CDH17: variants seen among roughly 807,000 people sequenced by gnomAD.
CDH17 encodes cadherin-17.
Under a neutral mutation model 86.3 loss-of-function variants are expected in CDH17, and 67 were observed. The ratio of observed to expected loss-of-function variants is 0.78; its 90% confidence interval spans 0.64 to 0.95. The LOEUF (loss-of-function observed/expected upper bound fraction) is 0.95. CDH17 is among the 40% of genes least tolerant of loss of function. The probability of loss-of-function intolerance (pLI) is 0.00; values close to 1 mark genes in which losing one functional copy is unlikely to be tolerated. For missense variants in CDH17, 993 were observed against 1,017.6 expected, an observed-to-expected ratio of 0.98 and a Z score of 0.33; for synonymous variants, 367 against 366.4, an observed-to-expected ratio of 1.00 and a Z score of -0.02.
intron 2 of CDH17, among the ~76,000 whole-genome samples, chr8:94,192,253 C>T (rs895670312): frequency 3.9e-5 from 6 of 152,116 alleles, no homozygotes; most frequent in African/African-American, 9.7e-5. Context: ...ATCATCAAGC[C>T]GCTTTCCCCA....
chr8:94,184,252 A>C (rs551470395), intron 3 of CDH17, among the ~76,000 whole-genome samples: 3 of 152,096 alleles, frequency 2.0e-5, no homozygotes, highest in Admixed American at 2.0e-4. Context: ...AGAATCAAAA[A>C]CATGTCCTCA....
chr8:94,198,562 A>C (rs1813830722), intron 1 of CDH17, among the ~76,000 whole-genome samples: 1 of 152,220 alleles, frequency 6.6e-6, no homozygotes, highest in Admixed American at 6.5e-5. Context: ...GGCAATAATG[A>C]CACATTGGGA....
At chr8:94,188,847 GATC>G (rs1423482943) in intron 3 of CDH17, among the ~76,000 whole-genome samples, 2 of 152,180 alleles carry the variant, frequency 1.3e-5, no homozygotes, top group Non-Finnish European at 1.5e-5. Flanking sequence ...CAAGCTCATT[GATC>G]AGACAGCCTC....
chr8:94,128,434 ACT>A lies in CDH17; in HGVS notation c.2399-96_2399-95del, dbSNP rs943419641. On this transcript the variant is annotated intron_variant, in intron 17 of 17. Transcript: ENST00000027335. ...GTAGTATTGTGGTAGGAAAAAAATG[ACT>A]CAACTTCATTTTTGTATGTGATTCA... 8 of 761,922 alleles carry A rather than the reference ACT, an allele frequency of 1.0e-5. No individual in the cohort carries two copies. In the African/African-American group the frequency reaches 1.2e-4, roughly 12 times the overall value. The allele number at this position is 761,922 out of a possible 1,614,324, so 47.2% of individuals were successfully genotyped here. A position where few individuals can be genotyped will look rare whatever the true frequency, so the allele number is the denominator to read the frequency against.
At chr8:94,153,100 G>A (rs1413218343) in intron 12 of CDH17, among the ~76,000 whole-genome samples, 3 of 152,086 alleles carry the variant, frequency 2.0e-5, no homozygotes, top group Non-Finnish European at 4.4e-5. Context: ...CAGATCAGGA[G>A]AAAATATTTG....
At chr8:94,167,266 T>C (rs1416215200) in intron 9 of CDH17, among the ~76,000 whole-genome samples, 1 of 152,136 alleles carries the variant, frequency 6.6e-6, no homozygotes. Flanking sequence ...CTGGGCAAGT[T>C]CTGACAGGTT....
chr8:94,171,825 C>T (rs1320796078), intron 7 of CDH17, among the ~76,000 whole-genome samples: 1 of 152,136 alleles, frequency 6.6e-6, no homozygotes, highest in African/African-American at 2.4e-5. Flanking sequence ...ATTCTCAGAG[C>T]AGCCTGGGAA....
At chr8:94,133,869 G>A (rs1485861039) in intron 15 of CDH17, among the ~76,000 whole-genome samples, 1 of 151,330 alleles carries the variant, frequency 6.6e-6, no homozygotes, top group Non-Finnish European at 1.5e-5. Flanking sequence ...TAGCATGAAG[G>A]GCTGAATTTT....
chr8:94,204,910 A>T (rs896069909), intron 1 of CDH17, among the ~76,000 whole-genome samples: 2 of 152,200 alleles, frequency 1.3e-5, no homozygotes, highest in Non-Finnish European at 2.9e-5. Flanking sequence ...TAGGGACAAC[A>T]GTGACTGTCC....
chr8:94,195,042 T>A lies in CDH17; in HGVS notation c.-20-337A>T, dbSNP rs1813756243. Among the ~76,000 whole-genome samples, 3 of 152,326 alleles carry A rather than the reference T, an allele frequency of 2.0e-5. No individual in the cohort carries two copies. The South Asian group carries it at 6.2e-4, about 32-fold the overall frequency. Reference sequence around the variant, plus strand: ...TTGGAAACGCAGTCTCACTTTGTCATCCAGGCTGTAGTGCAGTGGTGCAAT... The same window carrying A: ...TTGGAAACGCAGTCTCACTTTGTCAACCAGGCTGTAGTGCAGTGGTGCAAT... On this transcript the variant is annotated intron_variant, in intron 1 of 17. Coordinates refer to ENST00000027335, the MANE Select transcript of CDH17 (RefSeq NM_004063.4).
intron 1 of CDH17, among the ~76,000 whole-genome samples, chr8:94,195,330 G>T (rs1177248078): frequency 1.3e-5 from 2 of 152,076 alleles, no homozygotes; most frequent in Non-Finnish European, 1.5e-5. Context: ...TACAGATGGA[G>T]AAGATGTATT....
intron 14 of CDH17, among the ~76,000 whole-genome samples, chr8:94,147,420 T>C (rs1812764845): frequency 1.3e-5 from 2 of 152,180 alleles, no homozygotes; most frequent in South Asian, 4.1e-4. Context: ...GCAGGGGCCG[T>C]TTTTATGATT....
rs771567459 is a variant in CDH17, at chr8:94,148,847, A to C, written c.1824T>G (p.Gly608=). The C allele has an allele frequency of 6.2e-7, 1 of 1,608,994 alleles. No homozygotes were observed. The highest frequency in any genetic ancestry group is 8.5e-7 in the Non-Finnish European group (1 of 1,178,358). The change falls in exon 14 of 18, where the codon GGT becomes GGG. Residue 608 remains glycine, a synonymous_variant. Transcript: ENST00000027335. ...CAGTCACGTGGTCAATTTTAAGCCA[A>C]CCTCTTGTGTCTCCCCTCAGTGAAT... ...ISYSLRGDTR[G]WLKIDHVTGE...
intron 12 of CDH17, among the ~76,000 whole-genome samples, chr8:94,159,651 A>C (rs1813011342): frequency 6.6e-6 from 1 of 152,232 alleles, no homozygotes; most frequent in Non-Finnish European, 1.5e-5. Context: ...ACAAGTTTTT[A>C]GTATAAGTGC....
chr8:94,177,460 C>G (rs570908571), intron 4 of CDH17, 127 bp downstream of exon 4: 1 of 925,722 alleles, frequency 1.1e-6, no homozygotes, highest in South Asian at 1.6e-5. Context: ...GATTGCAAAG[C>G]GTCCCATTAA....
chr8:94,205,264 G>T (rs1251206695), intron 1 of CDH17, among the ~76,000 whole-genome samples: 2 of 124,416 alleles, frequency 1.6e-5, no homozygotes, highest in African/African-American at 5.2e-5. Flanking sequence ...ATAAAGGGTG[G>T]CTTGACTTTT....
intron 12 of CDH17, among the ~76,000 whole-genome samples, chr8:94,158,126 G>A (rs956252205): frequency 3.3e-5 from 5 of 152,154 alleles, no homozygotes; most frequent in Non-Finnish European, 1.5e-5. Context: ...GCACAGGTTC[G>A]ATGATCACTT....
intron 3 of CDH17, among the ~76,000 whole-genome samples, chr8:94,179,567 C>A (rs1257646423): frequency 6.6e-6 from 1 of 152,190 alleles, no homozygotes; most frequent in African/African-American, 2.4e-5. Context: ...CTCTGGCTGA[C>A]TTGGAGGCTC....
intron 15 of CDH17, among the ~76,000 whole-genome samples, chr8:94,143,590 C>A (rs1812679350): frequency 6.6e-6 from 1 of 152,206 alleles, no homozygotes; most frequent in Non-Finnish European, 1.5e-5. Context: ...AAGGCTGTTT[C>A]ATCTACATTG....
Sources: gnomAD v4.1 joint callset for allele counts (sites outside exome capture counted in the v4.1 genomes callset) on GRCh38, gnomAD v4.1.1 for gene constraint, MANE v1.5 for transcripts, NCBI Gene and HGNC (gene_info 2026-07-23, HGNC 2026-07-21) for gene names.